The following SCEL variants were observed in gnomAD, a reference collection of about 807,000 sequenced individuals.
The protein encoded by SCEL is sciellin.
A neutral mutation model predicts 117.6 loss-of-function variants in SCEL; 113 were observed. That is an observed-to-expected ratio of 0.96 (90% CI 0.83 to 1.12). The LOEUF (loss-of-function observed/expected upper bound fraction) is 1.12. SCEL is among the 50% of genes most tolerant of loss of function. The probability of loss-of-function intolerance (pLI) is 0.00; values close to 1 mark genes in which losing one functional copy is unlikely to be tolerated. For synonymous variants in SCEL, 270 were observed against 256.2 expected (o/e 1.05, Z -0.51); for missense variants, 785 against 810.8 (o/e 0.97, Z 0.39).
chr13:77,584,234 G>A (rs937965209), intron 9 of SCEL, among the ~76,000 whole-genome samples: 1 of 152,044 alleles, frequency 6.6e-6, no homozygotes, highest in Non-Finnish European at 1.5e-5. Context: ...CCCCTGCTTG[G>A]CATCACATCA....
intron 27 of SCEL, among the ~76,000 whole-genome samples, chr13:77,626,750 A>G (rs2089754630): frequency 6.6e-6 from 1 of 152,212 alleles, no homozygotes; most frequent in Non-Finnish European, 1.5e-5. Context: ...CTGTAAGTCA[A>G]TTAAGCCTCT....
At chr13:77,634,619 T>C (rs1415270466) in intron 29 of SCEL, among the ~76,000 whole-genome samples, 169 bp downstream of exon 29, 1 of 152,208 alleles carries the variant, frequency 6.6e-6, no homozygotes, top group East Asian at 1.9e-4. Flanking sequence ...TCTGATATTA[T>C]GTACTTGGGC....
intron 29 of SCEL, 32 bp downstream of exon 29, chr13:77,634,482 C>A: frequency 6.8e-7 from 1 of 1,478,484 alleles, no homozygotes; most frequent in South Asian, 1.2e-5. Context: ...TATATTGCTT[C>A]ATTTTATAAT....
chr13:77,565,680 A>T (rs1346457378), intron 5 of SCEL, among the ~76,000 whole-genome samples: 1 of 152,248 alleles, frequency 6.6e-6, no homozygotes, highest in African/African-American at 2.4e-5. Context: ...CATTTTAATA[A>T]TGATGCACTT....
intron 30 of SCEL, among the ~76,000 whole-genome samples, chr13:77,640,302 C>T (rs189654201): frequency 3.4e-4 from 51 of 152,024 alleles, no homozygotes; most frequent in African/African-American, 9.6e-4. Context: ...ATAATTTTTC[C>T]GTGTAATCTG....
intron 13 of SCEL, among the ~76,000 whole-genome samples, chr13:77,599,084 A>G (rs911393348): frequency 2.6e-4 from 40 of 152,350 alleles, no homozygotes; most frequent in African/African-American, 9.6e-4. Flanking sequence ...CATGAATCCA[A>G]GTAACACCTC....
chr13:77,609,812 G>A (rs1283647128), intron 21 of SCEL, among the ~76,000 whole-genome samples: 1 of 152,110 alleles, frequency 6.6e-6, no homozygotes, highest in Non-Finnish European at 1.5e-5. Context: ...AAGAGTGCCT[G>A]GCCTGGGACA....
intron 10 of SCEL, among the ~76,000 whole-genome samples, chr13:77,591,014 T>C (rs964368117): frequency 2.6e-5 from 4 of 152,114 alleles, no homozygotes; most frequent in South Asian, 2.1e-4. Flanking sequence ...AGTATTCAAA[T>C]GGGATAATTC....
chr13:77,622,068 C>T lies in SCEL; in HGVS notation c.1628+4008C>T, dbSNP rs995779446. On this transcript the variant is annotated intron_variant, in intron 27 of 32. Transcript: ENST00000349847. ...ATGTTAATAAGTTGAGGAATTATAC[C>T]ACTTCTTTCACTGTATTCTCTATTC... Among the ~76,000 whole-genome samples, 4 of 152,092 alleles carry T rather than the reference C, an allele frequency of 2.6e-5. 1 individual carries two copies. In the South Asian group the frequency reaches 8.3e-4, roughly 32 times the overall value.
At chr13:77,592,103 T>C (rs980341803) in intron 11 of SCEL, among the ~76,000 whole-genome samples, 1 of 152,192 alleles carries the variant, frequency 6.6e-6, no homozygotes, top group Non-Finnish European at 1.5e-5. Context: ...TGATAATTTT[T>C]CAGTCAAAAG....
At chr13:77,589,379 C>T (rs1384260837) in intron 10 of SCEL, among the ~76,000 whole-genome samples, 155 bp downstream of exon 10, 1 of 152,162 alleles carries the variant, frequency 6.6e-6, no homozygotes, top group Non-Finnish European at 1.5e-5. Context: ...TATTTCCCAA[C>T]ACATATGTTT....
chr13:77,593,295 T>TGTGTGTGTGCACGC (rs796907419), intron 11 of SCEL, among the ~76,000 whole-genome samples: 2 of 136,784 alleles, frequency 1.5e-5, no homozygotes, highest in Admixed American at 7.1e-5. Context: ...TGTGTGTGTG[T>TGTGTGTGTGCACGC]GTCTGTGTGT....
At chr13:77,597,986 G>C (rs1169766700) in intron 13 of SCEL, among the ~76,000 whole-genome samples, 2 of 150,142 alleles carry the variant, frequency 1.3e-5, no homozygotes, top group Non-Finnish European at 2.9e-5. Context: ...TTTTGAGACA[G>C]AGTCTTACTC....
chr13:77,554,200 C>T (rs754374758), intron 1 of SCEL, among the ~76,000 whole-genome samples: 77 of 152,246 alleles, frequency 5.1e-4, no homozygotes, highest in Admixed American at 2.6e-3. Context: ...CTCTGAAGTG[C>T]GAGTCACTGG....
chr13:77,634,522 G>A, intron 29 of SCEL, 72 bp downstream of exon 29: 2 of 1,118,148 alleles, frequency 1.8e-6, no homozygotes, highest in Non-Finnish European at 1.3e-6. Flanking sequence ...AATAAGAGAT[G>A]CTATTGTTTT....
intron 12 of SCEL, 25 bp from the exon 13 acceptor site, chr13:77,597,520 T>C (rs1168076820): frequency 1.4e-6 from 2 of 1,424,608 alleles, no homozygotes; most frequent in Non-Finnish European, 1.9e-6. Flanking sequence ...TTACTAATGT[T>C]AAACATTTTT....
At chr13:77,585,758 A>G (rs2086528611) in intron 9 of SCEL, among the ~76,000 whole-genome samples, 1 of 151,994 alleles carries the variant, frequency 6.6e-6, no homozygotes, top group African/African-American at 2.4e-5. Flanking sequence ...CCAACCTAAT[A>G]TCACACTGAG....
intron 9 of SCEL, among the ~76,000 whole-genome samples, chr13:77,585,910 C>G (rs559731503): frequency 6.6e-6 from 1 of 152,176 alleles, no homozygotes; most frequent in African/African-American, 2.4e-5. Context: ...GCCTGTCTCT[C>G]AATAAGGGCT....
intron 1 of SCEL, among the ~76,000 whole-genome samples, chr13:77,543,775 C>T (rs1404232061): frequency 1.3e-5 from 2 of 152,138 alleles, no homozygotes; most frequent in African/African-American, 4.8e-5. Flanking sequence ...AACATGATTT[C>T]GTTCTTTTTT....
Sources: allele counts gnomAD v4.1 joint callset (sites outside exome capture counted in the v4.1 genomes callset), GRCh38; gene constraint gnomAD v4.1.1; transcripts MANE v1.5; gene names NCBI Gene and HGNC (gene_info 2026-07-23, HGNC 2026-07-21).